ADGRL2: variants seen among roughly 807,000 people sequenced by gnomAD.
ADGRL2 encodes the protein adhesion G protein-coupled receptor L2, also known as calcium-independent alpha-latrotoxin receptor 2.
Under a neutral mutation model 157.4 loss-of-function variants are expected in ADGRL2, and 44 were observed. The ratio of observed to expected loss-of-function variants is 0.28; its 90% CI spans 0.22 to 0.36. The LOEUF is 0.36. Among genes scored for constraint, ADGRL2 ranks in the 10% least tolerant of loss-of-function variants. The probability of loss-of-function intolerance (pLI) is 1.00; values close to 1 mark genes in which losing one functional copy is unlikely to be tolerated. For missense variants in ADGRL2, 1,510 were observed against 1,768.9 expected (o/e 0.85, Z 2.63); for synonymous variants, 585 against 624.7 (o/e 0.94, Z 0.95).
At chr1:81,831,529 T>C (rs948305018) in intron 1 of ADGRL2, among the ~76,000 whole-genome samples, 2 of 152,096 alleles carry the variant, frequency 1.3e-5, no homozygotes, top group African/African-American at 4.8e-5. Flanking sequence ...GTAACAGTAG[T>C]GATTTTAGAA....
chr1:81,860,652 T>C (rs112458838), intron 2 of ADGRL2, among the ~76,000 whole-genome samples: 3,447 of 152,272 alleles, frequency 0.023, 139 homozygotes, highest in African/African-American at 0.079. Context: ...ATTCAAGATT[T>C]GGGATTTTGG....
rs1570759750 is a variant in ADGRL2, at chr1:81,374,193, A to G, written c.-302+67684A>G. Among the ~76,000 whole-genome samples, 2 of 152,308 alleles carry G rather than the reference A, an allele frequency of 1.3e-5. 1 individual carries two copies. Among genetic ancestry groups the G allele is most frequent in the African/African-American group, 4.8e-5 (2 of 41,570 alleles). ...ACATATGTATTCCATCCATTTACCCAGTTATTGACTCAAAACCATTAAAGC... is the reference window on the plus strand; with the variant it reads ...ACATATGTATTCCATCCATTTACCCGGTTATTGACTCAAAACCATTAAAGC... On this transcript the variant is annotated intron_variant, in intron 1 of 24. Coordinates refer to the ADGRL2 transcript ENST00000370721.
At chr1:81,746,891 T>TACACGTATATACACACGTGC (rs2085268363) in intron 1 of ADGRL2, among the ~76,000 whole-genome samples, 2 of 149,602 alleles carry the variant, frequency 1.3e-5, no homozygotes, top group South Asian at 2.1e-4. Flanking sequence ...TGCACACGTA[T>TACACGTATATACACACGTGC]ACACGTATAT....
chr1:81,669,363 T>C (rs1358725574), intron 3 of ADGRL2, among the ~76,000 whole-genome samples: 2 of 152,094 alleles, frequency 1.3e-5, no homozygotes, highest in East Asian at 3.9e-4. Context: ...TGTAGTGTGC[T>C]ATGACTGCAC....
chr1:81,848,562 A>G (rs991685838), intron 2 of ADGRL2, among the ~76,000 whole-genome samples: 3 of 151,914 alleles, frequency 2.0e-5, no homozygotes, highest in African/African-American at 7.2e-5. Flanking sequence ...ATTGCTTAAC[A>G]TTGCATTACT....
Position 81,962,021 on chromosome 1 carries a change from A to G in ADGRL2, c.2018-4037A>G, listed in dbSNP as rs72944990. On this transcript the variant is annotated intron_variant, in intron 11 of 23. Transcript: ENST00000686636. Reference sequence around the variant, plus strand: ...CTCCAATGTGTGCCTTTCTAGACATACATGCGCACATACCTGTGTGTGCCT... The same window carrying G: ...CTCCAATGTGTGCCTTTCTAGACATGCATGCGCACATACCTGTGTGTGCCT... Among the ~76,000 whole-genome samples the G allele has an allele frequency of 9.3e-3, 1,418 of 152,242 alleles. 22 individuals carry two copies. The highest frequency in any genetic ancestry group is 0.033 in the African/African-American group (1,351 of 41,516).
chr1:81,891,120 A>G (rs1463057816), intron 2 of ADGRL2, among the ~76,000 whole-genome samples: 9 of 151,882 alleles, frequency 5.9e-5, no homozygotes, highest in African/African-American at 2.2e-4. Flanking sequence ...TTAGTCTTTT[A>G]CATACTTTTC....
chr1:81,495,199 C>T (rs1425840338), intron 2 of ADGRL2, among the ~76,000 whole-genome samples: 1 of 152,032 alleles, frequency 6.6e-6, no homozygotes, highest in Non-Finnish European at 1.5e-5. Flanking sequence ...TAGCATATTC[C>T]CAATAAGGGA....
rs1237283837 is a variant in ADGRL2, at chr1:81,510,652, C to G, written c.-248+65563C>G. Among the ~76,000 whole-genome samples, 3 of 152,114 alleles carry G rather than the reference C, an allele frequency of 2.0e-5. No homozygotes were observed. In the East Asian group the frequency reaches 5.8e-4, roughly 29 times the overall value. ...TATTATTAGACATAGATTATAGTTACAGTGAAAACTGGGAGCTGCTTTTAA... is the reference window on the plus strand; with the variant it reads ...TATTATTAGACATAGATTATAGTTAGAGTGAAAACTGGGAGCTGCTTTTAA... On this transcript the variant is annotated intron_variant, in intron 2 of 24. Transcript: ENST00000370721.
intron 1 of ADGRL2, among the ~76,000 whole-genome samples, chr1:81,375,436 C>T (rs10874225): frequency 0.67 from 101,306 of 152,068 alleles, 34,750 homozygotes; most frequent in East Asian, 0.78. Flanking sequence ...CAATAATATA[C>T]AGGTATAAAT....
chr1:81,393,295 T>C (rs999154376), intron 1 of ADGRL2, among the ~76,000 whole-genome samples: 1 of 151,482 alleles, frequency 6.6e-6, no homozygotes, highest in Non-Finnish European at 1.5e-5. Context: ...GGGATGAGAT[T>C]GGTGAATAGA....
chr1:81,546,538 A>G (rs1022045919), intron 2 of ADGRL2, among the ~76,000 whole-genome samples: 3 of 152,252 alleles, frequency 2.0e-5, no homozygotes, highest in Non-Finnish European at 4.4e-5. Flanking sequence ...TGTTCACACC[A>G]TGCCCAGATG....
chr1:81,455,527 A>G (rs1459208701), intron 2 of ADGRL2, among the ~76,000 whole-genome samples: 1 of 152,182 alleles, frequency 6.6e-6, no homozygotes. Context: ...TCCATTGAAA[A>G]ACACCTAGTG....
At chr1:81,311,533 C>T (rs886744432) in intron 1 of ADGRL2, among the ~76,000 whole-genome samples, 11 of 152,220 alleles carry the variant, frequency 7.2e-5, no homozygotes, top group Admixed American at 4.6e-4. Context: ...AGACTAAAGC[C>T]TACTCTTGAT....
chr1:81,339,106 ATG>A (rs2100750173), intron 1 of ADGRL2, among the ~76,000 whole-genome samples: 1 of 152,310 alleles, frequency 6.6e-6, no homozygotes, highest in Admixed American at 6.5e-5. Flanking sequence ...TCTTGTGAAT[ATG>A]TATCTGTATA....
At chr1:81,709,470 G>T (rs1281953518) in intron 1 of ADGRL2, among the ~76,000 whole-genome samples, 1 of 151,946 alleles carries the variant, frequency 6.6e-6, no homozygotes, top group East Asian at 1.9e-4. Flanking sequence ...TTATCAAGAA[G>T]ATATTTTCTC....
At chr1:81,678,424 T>A (rs2083040148) in intron 3 of ADGRL2, among the ~76,000 whole-genome samples, 1 of 152,240 alleles carries the variant, frequency 6.6e-6, no homozygotes, top group Non-Finnish European at 1.5e-5. Context: ...TATTTAGGGA[T>A]GTCTACAAAA....
chr1:81,327,942 A>G (rs1376755126), intron 1 of ADGRL2, among the ~76,000 whole-genome samples: 2 of 152,168 alleles, frequency 1.3e-5, no homozygotes, highest in African/African-American at 4.8e-5. Context: ...AACCCACAGA[A>G]GTCATTTGAC....
At chr1:81,857,894 A>G (rs1036705074) in intron 2 of ADGRL2, among the ~76,000 whole-genome samples, 11 of 152,166 alleles carry the variant, frequency 7.2e-5, no homozygotes, top group African/African-American at 2.2e-4. Flanking sequence ...TTATACAGCA[A>G]TTAATCTTCT....
Sources: allele counts gnomAD v4.1 joint callset (sites outside exome capture counted in the v4.1 genomes callset), GRCh38; gene constraint gnomAD v4.1.1; transcripts MANE v1.5; gene names NCBI Gene and HGNC (gene_info 2026-07-23, HGNC 2026-07-21).